PRH1: variants seen among roughly 807,000 people sequenced by gnomAD.
PRH1 encodes the protein salivary acidic proline-rich phosphoprotein 1/2.
Under a neutral mutation model 7.9 loss-of-function variants are expected in PRH1, and 7 were observed. The observed-to-expected ratio is 0.89, with a 90% CI of 0.50 to 1.67. The LOEUF is 1.67. PRH1 is among the 40% of genes most tolerant of loss of function. The pLI, the probability that PRH1 is intolerant of heterozygous loss-of-function variation, is 0.00. For missense variants in PRH1, 109 were observed against 223.6 expected (o/e 0.49, Z 3.27); for synonymous variants, 45 against 80.8 (o/e 0.56, Z 2.38).
chr12:11,118,888 A>T (rs890055849), downstream of PRH1, among the ~76,000 whole-genome samples: 1 of 150,640 alleles, frequency 6.6e-6, no homozygotes, highest in Non-Finnish European at 1.5e-5. Context: ...CCAGCGACTC[A>T]GGAGGCTGAG....
upstream of PRH1, among the ~76,000 whole-genome samples, chr12:11,052,135 T>C (rs1943172527): frequency 6.6e-6 from 1 of 152,286 alleles, no homozygotes; most frequent in South Asian, 2.1e-4. Context: ...ATCTTATCAA[T>C]TATACGTTTA....
At chr12:11,045,814 GTGAGTTGA>G (rs926713573) in intron 1 of PRH1, among the ~76,000 whole-genome samples, 4 of 152,114 alleles carry the variant, frequency 2.6e-5, no homozygotes, top group Non-Finnish European at 5.9e-5. Flanking sequence ...ATTAAATTCA[GTGAGTTGA>G]TGAAAATCTT....
chr12:11,115,678 T>A (rs1945711938), intron 1 of PRH1, among the ~76,000 whole-genome samples: 2 of 152,002 alleles, frequency 1.3e-5, no homozygotes, highest in South Asian at 4.1e-4. Context: ...TCCAAAAAAT[T>A]GAAATATTAC....
intron 2 of PRH1, among the ~76,000 whole-genome samples, chr12:10,934,202 C>A (rs902995745): frequency 1.3e-5 from 2 of 152,106 alleles, no homozygotes; most frequent in East Asian, 3.9e-4. Context: ...ATTTTAAGAA[C>A]AGCTTCTTTC....
chr12:11,151,327 C>T (rs1947075085), intron 1 of PRH1, among the ~76,000 whole-genome samples: 1 of 151,216 alleles, frequency 6.6e-6, no homozygotes, highest in African/African-American at 2.4e-5. Flanking sequence ...TTGCTGCTCT[C>T]TCGGGATCTT....
At chr12:11,042,014 C>T (rs891788777) in intron 1 of PRH1, among the ~76,000 whole-genome samples, 1 of 143,388 alleles carries the variant, frequency 7.0e-6, no homozygotes, top group African/African-American at 2.5e-5. Flanking sequence ...TAAAAGCCTA[C>T]ATCAGAAAAG....
chr12:11,146,814 A>C (rs1284905255), intron 1 of PRH1, among the ~76,000 whole-genome samples: 5 of 152,190 alleles, frequency 3.3e-5, no homozygotes, highest in Non-Finnish European at 5.9e-5. Flanking sequence ...TGCAAAAAAC[A>C]CATCTTATCT....
chr12:10,981,969 A>G (rs1431839052), intron 1 of PRH1, among the ~76,000 whole-genome samples: 3 of 151,694 alleles, frequency 2.0e-5, no homozygotes, highest in Non-Finnish European at 2.9e-5. Flanking sequence ...TATTAGGATT[A>G]CAGGTATGAG....
intron 2 of PRH1, among the ~76,000 whole-genome samples, chr12:10,917,356 ATTGT>A (rs908662402): frequency 3.3e-5 from 5 of 152,072 alleles, no homozygotes; most frequent in African/African-American, 1.2e-4. Context: ...TTTAATATTT[ATTGT>A]TTCAGTACTT....
chr12:11,113,806 ATCTATT>A (rs1945656328), intron 1 of PRH1, among the ~76,000 whole-genome samples: 3 of 152,088 alleles, frequency 2.0e-5, no homozygotes, highest in Admixed American at 1.3e-4. Context: ...AATTTTTGCA[ATCTATT>A]AAACAAACAA....
chr12:11,065,057 A>C (rs976492025), intron 1 of PRH1, among the ~76,000 whole-genome samples: 1 of 152,078 alleles, frequency 6.6e-6, no homozygotes, highest in Non-Finnish European at 1.5e-5. Flanking sequence ...AATACTGATA[A>C]TAATAATAAT....
chr12:10,881,256 T>C (rs1949395584), intron 3 of PRH1, among the ~76,000 whole-genome samples, 200 bp from the exon 4 acceptor site: 1 of 152,216 alleles, frequency 6.6e-6, no homozygotes, highest in African/African-American at 2.4e-5. Flanking sequence ...TGATTTAAAG[T>C]GTTGCTTAGA....
intron 1 of PRH1, among the ~76,000 whole-genome samples, chr12:10,985,221 T>C (rs546106951): frequency 1.6e-4 from 25 of 152,248 alleles, no homozygotes; most frequent in Admixed American, 3.3e-4. Context: ...TTCATCCTTA[T>C]TATAGAAATG....
chr12:11,096,898 C>T (rs1264801775), intron 1 of PRH1, among the ~76,000 whole-genome samples: 1 of 113,624 alleles, frequency 8.8e-6, no homozygotes, highest in Admixed American at 8.9e-5. Context: ...CCGGGGTTCA[C>T]GCCATTCTCC....
chr12:11,099,766 T>G (rs947760537), intron 1 of PRH1, among the ~76,000 whole-genome samples: 15 of 152,186 alleles, frequency 9.9e-5, no homozygotes, highest in African/African-American at 3.6e-4. Context: ...TCTAATGTTT[T>G]AGAGGGTCTT....
chr12:10,954,948 C>A (rs1937877994), intron 2 of PRH1, among the ~76,000 whole-genome samples: 1 of 152,146 alleles, frequency 6.6e-6, no homozygotes. Context: ...TCTCAGAGAC[C>A]TATTAAAAGA....
intron 1 of PRH1, among the ~76,000 whole-genome samples, chr12:11,104,867 TAAAC>T (rs1945364826): frequency 6.6e-6 from 1 of 151,938 alleles, no homozygotes; most frequent in Admixed American, 6.6e-5. Context: ...AAAATATTAT[TAAAC>T]AATATTTTCC....
At chr12:10,986,425 C>A (rs202031953) in intron 1 of PRH1, 20 of 1,613,954 alleles carry the variant, frequency 1.2e-5, no homozygotes, top group Non-Finnish European at 1.5e-5. Flanking sequence ...ATGTTTGCCA[C>A]AAGAAGATGA....
At chr12:11,100,897 C>T (rs1056764912) in intron 1 of PRH1, among the ~76,000 whole-genome samples, 9 of 151,992 alleles carry the variant, frequency 5.9e-5, no homozygotes, top group African/African-American at 1.9e-4. Context: ...CACTGGTGTA[C>T]ACAGGAATAG....
Sources: gnomAD v4.1 joint callset for allele counts (sites outside exome capture counted in the v4.1 genomes callset) on GRCh38, gnomAD v4.1.1 for gene constraint, MANE v1.5 for transcripts, NCBI Gene and HGNC (gene_info 2026-07-23, HGNC 2026-07-21) for gene names.